The following SPOCK3 variants were observed in gnomAD, a reference collection of about 807,000 sequenced individuals.
SPOCK3 encodes the protein SPARC (osteonectin), cwcv and kazal like domains proteoglycan 3.
A neutral mutation model predicts 56.6 loss-of-function variants in SPOCK3; 30 were observed. That is an observed-to-expected ratio of 0.53 (90% CI 0.40 to 0.72). The LOEUF is 0.72. Ranked by LOEUF, SPOCK3 falls within the 30% of genes least tolerant of loss-of-function variation. The probability of loss-of-function intolerance (pLI) is 0.00; values close to 1 mark genes in which losing one functional copy is unlikely to be tolerated. For missense variants in SPOCK3, 527 were observed against 530.0 expected (o/e 0.99, Z 0.06); for synonymous variants, 196 against 183.3 (o/e 1.07, Z -0.56).
intron 2 of SPOCK3, among the ~76,000 whole-genome samples, chr4:167,220,921 C>G (rs780282980): frequency 1.3e-5 from 2 of 152,194 alleles, no homozygotes; most frequent in Non-Finnish European, 2.9e-5. Flanking sequence ...ATATACTGAT[C>G]AAATTATAGC....
chr4:166,871,560 G>GT (rs1313243313), intron 6 of SPOCK3, among the ~76,000 whole-genome samples: 1 of 152,086 alleles, frequency 6.6e-6, no homozygotes, highest in Admixed American at 6.6e-5. Context: ...TGAACACTTG[G>GT]TTAAAACGTT....
chr4:167,173,805 AG>A (rs1480888131), intron 2 of SPOCK3, among the ~76,000 whole-genome samples: 7 of 152,210 alleles, frequency 4.6e-5, no homozygotes, highest in African/African-American at 1.7e-4. Flanking sequence ...CTAGGAGGAG[AG>A]GAAGAAGAAA....
At chr4:167,062,336 T>C (rs921992170) in intron 3 of SPOCK3, among the ~76,000 whole-genome samples, 156 bp downstream of exon 3, 5 of 151,870 alleles carry the variant, frequency 3.3e-5, no homozygotes, top group Non-Finnish European at 7.4e-5. Flanking sequence ...AAAAATATTA[T>C]GCTGAAATGT....
chr4:167,071,624 T>A (rs1285258229), intron 2 of SPOCK3, among the ~76,000 whole-genome samples: 2 of 129,288 alleles, frequency 1.5e-5, no homozygotes, highest in Admixed American at 1.4e-4. Context: ...CCACATTTTC[T>A]TAATCCAGTT....
chr4:167,151,401 T>C (rs1764404061), intron 2 of SPOCK3, among the ~76,000 whole-genome samples: 1 of 151,872 alleles, frequency 6.6e-6, no homozygotes, highest in East Asian at 1.9e-4. Context: ...TTTTTGTTGT[T>C]AGTGTTTTCT....
intron 5 of SPOCK3, among the ~76,000 whole-genome samples, chr4:166,893,038 C>T (rs899193138): frequency 6.6e-6 from 1 of 151,980 alleles, no homozygotes; most frequent in Non-Finnish European, 1.5e-5. Context: ...TCAAAATTGA[C>T]ATTTGAGACA....
intron 3 of SPOCK3, among the ~76,000 whole-genome samples, chr4:167,030,534 C>G (rs1479075458): frequency 6.6e-6 from 1 of 151,970 alleles, no homozygotes; most frequent in Non-Finnish European, 1.5e-5. Flanking sequence ...AAATGACATT[C>G]TGTAGCAAAG....
At chr4:167,199,227 G>GTT (rs763830097) in intron 2 of SPOCK3, among the ~76,000 whole-genome samples, 111 of 94,454 alleles carry the variant, frequency 1.2e-3, no homozygotes, top group African/African-American at 2.3e-3. Flanking sequence ...ATATTTGTTT[G>GTT]TGTGTGTGTG....
At chr4:166,764,062 C>T (rs7689440) in intron 7 of SPOCK3, among the ~76,000 whole-genome samples, 31,686 of 151,966 alleles carry the variant, frequency 0.21, 4,072 homozygotes, top group South Asian at 0.3. Flanking sequence ...TGATGGCTAC[C>T]AGTGGAGGAC....
chr4:167,127,516 T>C (rs1762377741), intron 2 of SPOCK3, among the ~76,000 whole-genome samples: 1 of 151,660 alleles, frequency 6.6e-6, no homozygotes, highest in Non-Finnish European at 1.5e-5. Context: ...CAACCTCTGG[T>C]TCCCGGGTTC....
chr4:166,957,356 G>A (rs1380654777), intron 4 of SPOCK3, among the ~76,000 whole-genome samples: 1 of 152,218 alleles, frequency 6.6e-6, no homozygotes, highest in African/African-American at 2.4e-5. Context: ...CTGAACTCAT[G>A]CATTATTTTC....
intron 5 of SPOCK3, among the ~76,000 whole-genome samples, chr4:166,907,915 T>C (rs929202435): frequency 6.6e-6 from 1 of 151,904 alleles, no homozygotes; most frequent in Non-Finnish European, 1.5e-5. Context: ...GCAACCTAAG[T>C]GGAAAAGCAA....
chr4:167,051,978 A>C (rs1449954153), intron 3 of SPOCK3, among the ~76,000 whole-genome samples: 1 of 152,230 alleles, frequency 6.6e-6, no homozygotes. Flanking sequence ...CGGAAAATAG[A>C]TATAATTTGC....
At chr4:166,960,510 T>C (rs1237726256) in intron 4 of SPOCK3, among the ~76,000 whole-genome samples, 1 of 152,166 alleles carries the variant, frequency 6.6e-6, no homozygotes, top group East Asian at 1.9e-4. Flanking sequence ...TTAGCAGCTT[T>C]GGCAGTGAGT....
intron 7 of SPOCK3, among the ~76,000 whole-genome samples, chr4:166,764,459 C>T (rs7694702): frequency 0.21 from 31,710 of 151,794 alleles, 4,073 homozygotes; most frequent in South Asian, 0.3. Context: ...TTTGTTCTTG[C>T]GATAGTTTGC....
chr4:167,181,306 T>A (rs559463210), intron 2 of SPOCK3, among the ~76,000 whole-genome samples: 3 of 152,280 alleles, frequency 2.0e-5, no homozygotes, highest in South Asian at 4.1e-4. Context: ...AAGGATTCAT[T>A]AGCAAATTCT....
intron 2 of SPOCK3, among the ~76,000 whole-genome samples, chr4:167,067,232 C>G (rs1206276331): frequency 6.6e-6 from 1 of 151,786 alleles, no homozygotes; most frequent in Non-Finnish European, 1.5e-5. Flanking sequence ...TAAAATCTTA[C>G]TAAAATCTAT....
chr4:166,828,050 C>T (rs1445694675), intron 6 of SPOCK3, among the ~76,000 whole-genome samples: 1 of 151,986 alleles, frequency 6.6e-6, no homozygotes, highest in Non-Finnish European at 1.5e-5. Context: ...AGCAGCACAG[C>T]ATTCAATGGT....
intron 6 of SPOCK3, among the ~76,000 whole-genome samples, chr4:166,853,158 A>T (rs1017749873): frequency 2.0e-5 from 3 of 152,318 alleles, no homozygotes; most frequent in African/African-American, 7.2e-5. Flanking sequence ...ATCCATTTAG[A>T]TATTGAAATA....
Sources: gnomAD v4.1 joint callset for allele counts (sites outside exome capture counted in the v4.1 genomes callset) on GRCh38, gnomAD v4.1.1 for gene constraint, MANE v1.5 for transcripts, NCBI Gene and HGNC (gene_info 2026-07-23, HGNC 2026-07-21) for gene names.